The following ATP5MJ variants were observed in gnomAD, a reference collection of about 807,000 sequenced individuals.
ATP5MJ encodes the protein ATP synthase membrane subunit j, also known as ATP synthase F(0) complex subunit j, mitochondrial.
ATP5MJ carries 4 observed loss-of-function variants against 8.3 expected under a neutral mutation model. The ratio of observed to expected loss-of-function variants is 0.48; its 90% CI spans 0.24 to 1.11. ATP5MJ has a LOEUF of 1.11. Among genes scored for constraint, ATP5MJ ranks in the 50% least tolerant of loss-of-function variants. The pLI, the probability that ATP5MJ is intolerant of heterozygous loss-of-function variation, is 0.18. For missense variants in ATP5MJ, 66 were observed against 71.8 expected, an observed-to-expected ratio of 0.92 and a Z score of 0.29; for synonymous variants, 23 against 21.3, an observed-to-expected ratio of 1.08 and a Z score of -0.23.
intron 1 of ATP5MJ, among the ~76,000 whole-genome samples, chr14:103,919,911 C>T (rs542882019): frequency 6.2e-4 from 95 of 152,154 alleles, no homozygotes; most frequent in African/African-American, 2.2e-3. Flanking sequence ...ACTGCAACCT[C>T]CGCCTCCCGG....
chr14:103,920,468 CTTTTT>C (rs57538744), intron 1 of ATP5MJ, among the ~76,000 whole-genome samples: 12 of 106,550 alleles, frequency 1.1e-4, no homozygotes, highest in East Asian at 2.9e-4. Flanking sequence ...ACAGCCCCTA[CTTTTT>C]TTTTTTTTTT....
chr14:103,915,997 G>A (rs1030470017), intron 1 of ATP5MJ, among the ~76,000 whole-genome samples: 2 of 152,106 alleles, frequency 1.3e-5, no homozygotes, highest in East Asian at 1.9e-4. Flanking sequence ...AATGAATGTC[G>A]CATTCGAAGC....
intron 1 of ATP5MJ, among the ~76,000 whole-genome samples, chr14:103,920,661 G>A (rs2087669519): frequency 6.7e-6 from 1 of 149,076 alleles, no homozygotes; most frequent in Non-Finnish European, 1.5e-5. Context: ...TAGTAGAGAC[G>A]GCGTTTCACC....
chr14:103,914,885 ACTGTCCC>A, intron 2 of ATP5MJ, 174 bp downstream of exon 2: 1 of 609,592 alleles, frequency 1.6e-6, no homozygotes, highest in Non-Finnish European at 2.6e-6. Context: ...AAAATTCCCC[ACTGTCCC>A]CAAATGTCTT....
At chr14:103,915,504 G>A (rs1354787136) in intron 1 of ATP5MJ, among the ~76,000 whole-genome samples, 3 of 152,068 alleles carry the variant, frequency 2.0e-5, no homozygotes, top group South Asian at 2.1e-4. Flanking sequence ...GTGCCACCAC[G>A]CCTGGCTAAT....
intron 1 of ATP5MJ, chr14:103,921,093 A>C: frequency 6.8e-7 from 1 of 1,471,120 alleles, no homozygotes; most frequent in African/African-American, 1.4e-5. Context: ...CTTGAGTTAT[A>C]AAGGAGAGAA....
intron 2 of ATP5MJ, chr14:103,914,849 A>AAAAAAAAAAAAAAAAAAAAAC: frequency 2.7e-6 from 1 of 365,072 alleles, no homozygotes. Flanking sequence ...AAAAAAAAAA[A>AAAAAAAAAAAAAAAAAAAAAC]AAAAAAAAGA....
chr14:103,918,810 C>G (rs1374693086), intron 1 of ATP5MJ, among the ~76,000 whole-genome samples: 1 of 151,958 alleles, frequency 6.6e-6, no homozygotes, highest in African/African-American at 2.4e-5. Context: ...ATCAAGAGGT[C>G]AGGAGATCAA....
rs375496984 is a variant in ATP5MJ, at chr14:103,912,467, C to A, written c.*199G>T. ...TTATCTACTCAGAGTATGCCTGACA[C>A]GCCGGAGGGGCTGAGGGGGAACACA... On this transcript the variant is annotated 3_prime_UTR_variant, in exon 4 of 4. Transcript: ENST00000286953. 6.8e-5 allele frequency: 42 copies of A among 619,984 alleles called. No homozygotes were observed. The highest frequency in any genetic ancestry group is 2.6e-4 in the Middle Eastern group (1 of 3,860). The allele number at this position is 619,984 out of a possible 1,614,324, so 38.4% of individuals were successfully genotyped here. A position where few individuals can be genotyped will look rare whatever the true frequency, so the allele number is the denominator to read the frequency against.
intron 1 of ATP5MJ, 49 bp downstream of exon 1, chr14:103,921,421 C>G (rs530948000): frequency 4.4e-6 from 1 of 227,256 alleles, no homozygotes; most frequent in Non-Finnish European, 9.0e-6. Flanking sequence ...CGCCCTCCCG[C>G]CCCCGCCGTC....
At chr14:103,916,782 G>A (rs2087629151) in intron 1 of ATP5MJ, among the ~76,000 whole-genome samples, 1 of 152,132 alleles carries the variant, frequency 6.6e-6, no homozygotes, top group Non-Finnish European at 1.5e-5. Flanking sequence ...GGCTGCGGCT[G>A]TAATGCTGCC....
chr14:103,919,502 G>GCTTAAAAAGACGC (rs1438403571), intron 1 of ATP5MJ, among the ~76,000 whole-genome samples: 2 of 152,118 alleles, frequency 1.3e-5, no homozygotes, highest in African/African-American at 4.8e-5. Flanking sequence ...AAGAAGGAAG[G>GCTTAAAAAGACGC]CTTAAAAAGA....
intron 1 of ATP5MJ, among the ~76,000 whole-genome samples, chr14:103,916,009 GA>G (rs1418101915): frequency 1.3e-5 from 2 of 152,202 alleles, no homozygotes; most frequent in Non-Finnish European, 2.9e-5. Flanking sequence ...ATTCGAAGCT[GA>G]AAAAGAATAT....
In ATP5MJ at chr14:103,915,144, A is replaced by G. The variant is rs1447179383; in HGVS notation, c.46T>C (p.Tyr16His). 2.5e-6 allele frequency: 4 copies of G among 1,613,980 alleles called. No individual in the cohort carries two copies. The highest frequency in any genetic ancestry group is 3.3e-5 in the Admixed American group (2 of 60,020). The change falls in exon 2 of 4, where the codon TAC becomes CAC. Residue 16 changes from tyrosine to histidine, a missense_variant. By Grantham distance (83) the Tyr-to-His change is moderately conservative. Transcript: ENST00000286953. ...IKNIWIPMKPYYTKVYQEIWI... is the reference protein window; with the variant it reads ...IKNIWIPMKPHYTKVYQEIWI... ...ATCTCCTGGTAAACTTTGGTGTAGT[A>G]GGGCTTCATGGGGATCCATATGTTT...
At chr14:103,914,928 T>G in intron 2 of ATP5MJ, 138 bp downstream of exon 2, 1 of 1,118,520 alleles carries the variant, frequency 8.9e-7, no homozygotes, top group Non-Finnish European at 1.3e-6. Flanking sequence ...GCTCCCTGTA[T>G]TTTTTACGAA....
At chr14:103,915,350 A>G (rs11850704) in intron 1 of ATP5MJ, among the ~76,000 whole-genome samples, 161 bp from the exon 2 acceptor site, 26,139 of 150,748 alleles carry the variant, frequency 0.17, 3,677 homozygotes, top group African/African-American at 0.39. Context: ...GGGGACTCAC[A>G]CCTCTTTTTT....
Position 103,912,518 on chromosome 14 carries a change from C to T in ATP5MJ, c.*148G>A. 1.2e-6 allele frequency: 1 copy of T among 812,476 alleles called. No homozygotes were observed. Among genetic ancestry groups the T allele is most frequent in the South Asian group, 1.6e-5 (1 of 61,762 alleles). 50.3% of individuals were successfully genotyped at this position (812,476 alleles called of 1,614,324 possible). ...CTGAAAGCAGTACCAGGTAGCAGTG[C>T]ATCTCACAGATCCATTTATTCATGC... On this transcript the variant is annotated 3_prime_UTR_variant, in exon 4 of 4. Transcript: ENST00000286953.
chr14:103,913,597 C>T (rs529064038), intron 3 of ATP5MJ: 15 of 363,230 alleles, frequency 4.1e-5, no homozygotes, highest in Admixed American at 9.3e-5. Flanking sequence ...GGCGACAGAG[C>T]GAGGCTCCGT....
In ATP5MJ at chr14:103,912,449, C is replaced by T; in HGVS notation, c.*217G>A. On this transcript the variant is annotated 3_prime_UTR_variant, in exon 4 of 4. Coordinates refer to ENST00000286953, the MANE Select transcript of ATP5MJ (RefSeq NM_004894.3). ...CATGCGCTGCATGACAAATTATCTA[C>T]TCAGAGTATGCCTGACACGCCGGAG... 3.5e-6 allele frequency: 2 copies of T among 564,538 alleles called. No individual in the cohort carries two copies. Among genetic ancestry groups the T allele is most frequent in the South Asian group, 2.6e-5 (1 of 38,664 alleles). 35.0% of individuals were successfully genotyped at this position (564,538 alleles called of 1,614,324 possible).
Sources: gnomAD v4.1 joint callset for allele counts (sites outside exome capture counted in the v4.1 genomes callset) on GRCh38, gnomAD v4.1.1 for gene constraint, MANE v1.5 for transcripts, NCBI Gene and HGNC (gene_info 2026-07-23, HGNC 2026-07-21) for gene names.